The following RNF13 variants were observed in gnomAD, a reference collection of about 807,000 sequenced individuals.
RNF13 encodes ring finger protein 13.
Under a neutral mutation model 37.7 loss-of-function variants are expected in RNF13, and 19 were observed. The observed-to-expected ratio is 0.50, with a 90% confidence interval of 0.35 to 0.74. The LOEUF (loss-of-function observed/expected upper bound fraction) is 0.74, where lower values mean the gene tolerates loss of function less well. RNF13 is among the 30% of genes least tolerant of loss of function. The probability of loss-of-function intolerance (pLI) is 0.01; values close to 1 mark genes in which losing one functional copy is unlikely to be tolerated. For missense variants in RNF13, 375 were observed against 453.0 expected, an observed-to-expected ratio of 0.83 and a Z score of 1.56; for synonymous variants, 144 against 157.8, an observed-to-expected ratio of 0.91 and a Z score of 0.65.
chr3:149,918,931 T>C (rs1211225053), intron 7 of RNF13, among the ~76,000 whole-genome samples: 1 of 152,178 alleles, frequency 6.6e-6, no homozygotes, highest in Non-Finnish European at 1.5e-5. Context: ...TCTTATACAA[T>C]GTGATACACT....
intron 2 of RNF13, among the ~76,000 whole-genome samples, chr3:149,848,839 A>G (rs772849139): frequency 2.6e-5 from 4 of 152,138 alleles, no homozygotes; most frequent in Non-Finnish European, 5.9e-5. Flanking sequence ...ATGCTACTGT[A>G]GCATCTAGTC....
At chr3:149,902,838 T>TAA (rs1715982773) in intron 6 of RNF13, among the ~76,000 whole-genome samples, 1 of 152,028 alleles carries the variant, frequency 6.6e-6, no homozygotes, top group African/African-American at 2.4e-5. Flanking sequence ...ACAACAAAAA[T>TAA]AATAATAAAA....
rs1722084891 is a variant in RNF13 at position 149,840,617 on chromosome 3, G to A, written c.-16-5394G>A. On this transcript the variant is annotated intron_variant, in intron 1 of 9. Transcript: ENST00000392894. The stretch of plus-strand genomic sequence containing the variant: ...AGTACTTTACTGTGGTCCATGCAGA[G>A]ACTCCAACAGTTGAATAAGTTCAAG... Among the ~76,000 whole-genome samples, 5 of 152,166 alleles carry A rather than the reference G, an allele frequency of 3.3e-5. No homozygotes were observed. In the South Asian group the frequency reaches 1.0e-3, roughly 32 times the overall value.
intron 1 of RNF13, chr3:149,814,451 G>A (rs1173657617): frequency 6.6e-6 from 1 of 152,200 alleles, no homozygotes; most frequent in Non-Finnish European, 1.5e-5. Flanking sequence ...TAAACAGGAG[G>A]TAAGAAGTGT....
intron 8 of RNF13, among the ~76,000 whole-genome samples, chr3:149,933,353 C>G (rs1186661566): frequency 6.7e-6 from 1 of 149,556 alleles, no homozygotes; most frequent in Non-Finnish European, 1.5e-5. Context: ...GTTCACAGCC[C>G]ACTTGTATTC....
intron 4 of RNF13, among the ~76,000 whole-genome samples, chr3:149,877,422 A>G (rs527412223): frequency 6.7e-6 from 1 of 149,860 alleles, no homozygotes; most frequent in East Asian, 1.9e-4. Flanking sequence ...ATTACCATAA[A>G]CATTTTTGGG....
At chr3:149,865,593 G>A (rs1055124260) in intron 3 of RNF13, among the ~76,000 whole-genome samples, 5 of 151,844 alleles carry the variant, frequency 3.3e-5, no homozygotes, top group African/African-American at 1.2e-4. Flanking sequence ...AGCCTCCCAA[G>A]TAGTTGGGAC....
intron 8 of RNF13, among the ~76,000 whole-genome samples, chr3:149,956,254 G>C (rs570155766): frequency 1.3e-5 from 2 of 152,320 alleles, no homozygotes; most frequent in East Asian, 3.9e-4. Context: ...TGGGAGACCA[G>C]AGAGGAGGCT....
rs549782586 is a variant in RNF13, at chr3:149,856,240, C to A, written c.195+3644C>A. On this transcript the variant is annotated intron_variant, in intron 3 of 9. Transcript: ENST00000392894. Reference sequence around the variant, plus strand: ...TTATTATGGGTAGCTTTTATAGTTGCGTGACTGGTTTTGCCATTGCCCAGA... The same window carrying A: ...TTATTATGGGTAGCTTTTATAGTTGAGTGACTGGTTTTGCCATTGCCCAGA... Among the ~76,000 whole-genome samples, 13 of 151,994 alleles carry A rather than the reference C, an allele frequency of 8.6e-5. No individual in the cohort carries two copies. In the East Asian group the frequency reaches 2.3e-3, roughly 27 times the overall value.
intron 4 of RNF13, chr3:149,895,177 C>T (rs543561846): frequency 3.1e-4 from 73 of 239,110 alleles, no homozygotes; most frequent in Non-Finnish European, 4.4e-4. Flanking sequence ...TATTGTCATT[C>T]TCATTTCAGA....
intron 8 of RNF13, among the ~76,000 whole-genome samples, chr3:149,940,450 A>G (rs949869528): frequency 6.6e-6 from 1 of 152,160 alleles, no homozygotes; most frequent in Admixed American, 6.5e-5. Context: ...GTTTGTTCAC[A>G]AGTAAAATCA....
chr3:149,939,313 C>T lies in RNF13; in HGVS notation c.700+18086C>T, dbSNP rs1190885792. The T allele has an allele frequency of 1.3e-5, 6 of 464,232 alleles. No homozygotes were observed. The Admixed American group carries it at 1.6e-4, about 12-fold the overall frequency. The allele number at this position is 464,232 out of a possible 1,614,324, so 28.8% of individuals were successfully genotyped here. Reference sequence around the variant, plus strand: ...TCATCATCGTCATTTTCATCATCATCTTCTGCATCAGCAGCAAGTTTTACT... The same window carrying T: ...TCATCATCGTCATTTTCATCATCATTTTCTGCATCAGCAGCAAGTTTTACT... On this transcript the variant is annotated intron_variant, in intron 8 of 9. Coordinates refer to ENST00000392894, the MANE Select transcript of RNF13 (RefSeq NM_183381.3).
intron 1 of RNF13, among the ~76,000 whole-genome samples, chr3:149,835,222 G>GA (rs1319435947): frequency 4.6e-5 from 7 of 152,060 alleles, no homozygotes; most frequent in African/African-American, 1.7e-4. Flanking sequence ...CCAACAGGGT[G>GA]AAAAAAATGA....
intron 3 of RNF13, among the ~76,000 whole-genome samples, chr3:149,871,517 T>TA: frequency 6.6e-6 from 1 of 151,646 alleles, no homozygotes; most frequent in Admixed American, 6.6e-5. Flanking sequence ...ACTATAATTG[T>TA]TTAAATAGTT....
intron 7 of RNF13, among the ~76,000 whole-genome samples, chr3:149,913,961 C>G (rs1230916542): frequency 1.3e-5 from 2 of 152,138 alleles, no homozygotes; most frequent in Admixed American, 1.3e-4. Context: ...AAGGGGAGGG[C>G]ATATCTGCAT....
chr3:149,936,624 C>G (rs1031048448), intron 8 of RNF13, among the ~76,000 whole-genome samples: 1 of 151,986 alleles, frequency 6.6e-6, no homozygotes, highest in African/African-American at 2.4e-5. Flanking sequence ...GTGTTTTACT[C>G]TGCTATCTTG....
At chr3:149,906,744 G>A (rs1365128396) in intron 6 of RNF13, among the ~76,000 whole-genome samples, 2 of 143,688 alleles carry the variant, frequency 1.4e-5, no homozygotes, top group African/African-American at 2.6e-5. Flanking sequence ...CTTGATCTCC[G>A]AGGCTCAGGT....
At chr3:149,923,278 T>C (rs1276121374) in intron 8 of RNF13, among the ~76,000 whole-genome samples, 2 of 152,072 alleles carry the variant, frequency 1.3e-5, no homozygotes, top group African/African-American at 4.8e-5. Flanking sequence ...TTTTAAGAGA[T>C]GGGGTCTCAC....
intron 4 of RNF13, among the ~76,000 whole-genome samples, chr3:149,877,431 G>T: frequency 6.8e-6 from 1 of 146,174 alleles, no homozygotes; most frequent in Non-Finnish European, 1.5e-5. Flanking sequence ...AACATTTTTG[G>T]GATTATTTGA....
Sources: allele counts gnomAD v4.1 joint callset (sites outside exome capture counted in the v4.1 genomes callset), GRCh38; gene constraint gnomAD v4.1.1; transcripts MANE v1.5; gene names NCBI Gene and HGNC (gene_info 2026-07-23, HGNC 2026-07-21).